ABCB7: variants seen among roughly 807,000 people sequenced by gnomAD.
ABCB7 encodes the protein iron-sulfur clusters transporter ABCB7, mitochondrial.
In ABCB7, 7 loss-of-function variants were observed where a neutral mutation model predicts 54.4. The ratio of observed to expected loss-of-function variants is 0.13; its 90% CI spans 0.07 to 0.24. The LOEUF (loss-of-function observed/expected upper bound fraction) is 0.24. Ranked by LOEUF, ABCB7 falls within the 10% of genes least tolerant of loss-of-function variation. The pLI is 1.00. For missense variants in ABCB7, 356 were observed against 570.4 expected (o/e 0.62, Z 3.83); for synonymous variants, 218 against 207.1 (o/e 1.05, Z -0.45).
intron 1 of ABCB7, among the ~76,000 whole-genome samples, chrX:75,129,363 G>A (rs1261282368): frequency 5.4e-5 from 6 of 110,392 alleles, no homozygotes; most frequent in Non-Finnish European, 7.6e-5. Flanking sequence ...ACCAAGCACC[G>A]CATGTTCTCA....
At chrX:75,147,672 G>C (rs914294972) in intron 1 of ABCB7, among the ~76,000 whole-genome samples, 4 of 111,583 alleles carry the variant, frequency 3.6e-5, no homozygotes, top group Non-Finnish European at 7.5e-5. Context: ...CCTATCAGAG[G>C]GTGGAAGGTG....
At position 75,156,245 on chromosome X, in the gene ABCB7, G is replaced by A; in HGVS notation, c.28C>T (p.Arg10Cys). 2 of 1,205,692 alleles carry A rather than the reference G, an allele frequency of 1.7e-6. No homozygotes were observed. Among genetic ancestry groups the A allele is most frequent in the South Asian group, 1.8e-5 (1 of 55,963 alleles). Reference sequence around the variant, plus strand: ...AAAGCAGCCGCCGCGGCCGCCCAGCGCCAAGAATGCATCGCGAGCAGCGCC... The same window carrying A: ...AAAGCAGCCGCCGCGGCCGCCCAGCACCAAGAATGCATCGCGAGCAGCGCC... The part of the protein sequence containing the change: MALLAMHSW[R>C]WAAAAAAFEK... Residue 10 changes from arginine to cysteine, a missense_variant, in exon 1 of 16, where the codon CGC becomes TGC. By Grantham distance (180) the Arg-to-Cys change is radical. Around this residue, in one of 2 missense-constraint regions of ABCB7, gnomAD observed 115 missense variants for 99.5 expected, o/e 1.16. Coordinates refer to ENST00000373394, the MANE Select transcript of ABCB7 (RefSeq NM_001271696.3).
At chrX:75,106,702 C>T (rs2081705426) in intron 3 of ABCB7, among the ~76,000 whole-genome samples, 1 of 111,522 alleles carries the variant, frequency 9.0e-6, no homozygotes. Context: ...ATATGTTTAC[C>T]ACAGCACAAT....
chrX:75,063,627 A>G (rs932201775), intron 13 of ABCB7, among the ~76,000 whole-genome samples: 2 of 111,075 alleles, frequency 1.8e-5, no homozygotes, highest in Non-Finnish European at 3.8e-5. Flanking sequence ...AAGTTCCTCA[A>G]AGAAGTAGAT....
At chrX:75,095,236 G>A (rs1387480609) in intron 4 of ABCB7, among the ~76,000 whole-genome samples, 1 of 111,530 alleles carries the variant, frequency 9.0e-6, no homozygotes, top group African/African-American at 3.3e-5. Flanking sequence ...ATGGCAGGGT[G>A]GCATTTAGAG....
In ABCB7 at chrX:75,102,868, T is replaced by C. The variant is rs150499942; in HGVS notation, c.334-3807A>G. Among the ~76,000 whole-genome samples, 398 of 111,906 alleles carry C rather than the reference T, an allele frequency of 3.6e-3. 2 individuals carry two copies. The highest frequency in any genetic ancestry group is 0.028 in the Middle Eastern group (6 of 215). On this transcript the variant is annotated intron_variant, in intron 3 of 15. Transcript: ENST00000373394. ...CCATTATAACTGAGGGAAGAGGATA[T>C]CTCATGTGGTCTTGATTTGCATTTC...
In ABCB7 at chrX:75,075,494, G is replaced by A. The variant is rs372617035; in HGVS notation, c.723C>T (p.His241=). 38 of 1,209,571 alleles carry A rather than the reference G, an allele frequency of 3.1e-5. No homozygotes were observed. Among genetic ancestry groups the A allele is most frequent in the Non-Finnish European group, 4.1e-5 (37 of 895,099 alleles). The change falls in exon 6 of 16, where the codon CAC becomes CAT. Residue 241 remains histidine, a synonymous_variant. Coordinates refer to ENST00000373394, the MANE Select transcript of ABCB7 (RefSeq NM_001271696.3). ...ATAAAGCTCCCGTCTGTCTGCTCAG[G>A]TGAAAACCCAGATCCAGGTTGTGAA... ...LHLHNLDLGF[H]LSRQTGALSK... is the part of the protein sequence containing the mutation.
chrX:75,156,171 A>G lies in ABCB7; in HGVS notation c.102T>C (p.Val34=), dbSNP rs151334745. 93 of 1,205,877 alleles carry G rather than the reference A, an allele frequency of 7.7e-5. No individual in the cohort carries two copies. The African/African-American group carries it at 1.3e-3, about 17-fold the overall frequency. ...SAILIRPLVS[V]SGSGPQWRPH... is the part of the protein sequence containing the mutation. ...GCCTCCACTGCGGACCTGAGCCGCT[A>G]ACAGAGACTAAAGGCCGGATCAGAA... Residue 34 remains valine (V), a synonymous_variant, in exon 1 of 16, where the codon GTT becomes GTC. Coordinates refer to ENST00000373394, the MANE Select transcript of ABCB7 (RefSeq NM_001271696.3).
In ABCB7 at chrX:75,126,603, A is replaced by T. The variant is rs774958829; in HGVS notation, c.169-11772T>A. On this transcript the variant is annotated intron_variant, in intron 1 of 15. Coordinates refer to ENST00000373394, the MANE Select transcript of ABCB7 (RefSeq NM_001271696.3). ...GACAGGAAAAATGCTTCAAAAAAAA[A>T]ATCAATGAATCCAGGAGCTGGATTT... Among the ~76,000 whole-genome samples, 34 of 111,321 alleles carry T rather than the reference A, an allele frequency of 3.1e-4. 1 individual carries two copies. The highest frequency in any genetic ancestry group is 6.2e-4 in the Non-Finnish European group (33 of 53,008).
rs757633312 is a variant in ABCB7 at position 75,076,525 on chromosome X, C to T, written c.583G>A (p.Gly195Ser). The T allele has an allele frequency of 1.7e-6, 2 of 1,209,144 alleles. No individual in the cohort carries two copies. The highest frequency in any genetic ancestry group is 2.2e-6 in the Non-Finnish European group (2 of 894,548). The part of the protein sequence containing the change: ...VATMATAVLI[G>S]YGVSRAGAAF... Reference sequence around the variant, plus strand: ...CAGATTAAAGAATCACACATACAGCCAATCAGAACTGCTGTTGCCATGGTT... The same window carrying T: ...CAGATTAAAGAATCACACATACAGCTAATCAGAACTGCTGTTGCCATGGTT... Residue 195 changes from glycine (G) to serine (S), a missense_variant, in exon 5 of 16, where the codon GGC (glycine) becomes AGC (serine). This residue lies in a region of ABCB7 where 241 missense variants were observed against 470.9 expected (regional missense o/e 0.51). Transcript: ENST00000373394.
At chrX:75,063,498 T>G (rs944673295) in intron 13 of ABCB7, among the ~76,000 whole-genome samples, 2 of 111,288 alleles carry the variant, frequency 1.8e-5, no homozygotes, top group African/African-American at 3.3e-5. Flanking sequence ...ATTTTTAATA[T>G]TAGTAAGTTT....
intron 4 of ABCB7, among the ~76,000 whole-genome samples, chrX:75,096,306 T>C (rs1285498026): frequency 8.9e-6 from 1 of 112,189 alleles, no homozygotes; most frequent in African/African-American, 3.2e-5. Flanking sequence ...GCACAGCATC[T>C]TGATTTAAGT....
At chrX:75,064,959 A>G (rs2081306620) in intron 13 of ABCB7, 111 bp downstream of exon 13, 6 of 892,334 alleles carry the variant, frequency 6.7e-6, no homozygotes, top group Non-Finnish European at 9.6e-6. Flanking sequence ...AATGTGACTC[A>G]ACGAGCACTA....
In ABCB7 at chrX:75,139,429, A is replaced by G. The variant is rs1333766255; in HGVS notation, c.168+16676T>C. On this transcript the variant is annotated intron_variant, in intron 1 of 15. Coordinates refer to ENST00000373394, the MANE Select transcript of ABCB7 (RefSeq NM_001271696.3). ...CTTCTTTCTCTAATCATCTCTCAAG[A>G]TGTCAGTCAAAATTTACCACCTTCC... Among the ~76,000 whole-genome samples, 3 of 111,712 alleles carry G rather than the reference A, an allele frequency of 2.7e-5. No homozygotes were observed. In the South Asian group the frequency reaches 1.1e-3, roughly 41 times the overall value.
At chrX:75,149,825 T>A (rs151237478) in intron 1 of ABCB7, among the ~76,000 whole-genome samples, 1 of 109,955 alleles carries the variant, frequency 9.1e-6, no homozygotes, top group Non-Finnish European at 1.9e-5. Flanking sequence ...ATTTGAAAAA[T>A]AGGCACCAGT....
intron 14 of ABCB7, among the ~76,000 whole-genome samples, chrX:75,061,550 C>T (rs2081282091): frequency 9.0e-6 from 1 of 111,446 alleles, no homozygotes; most frequent in Non-Finnish European, 1.9e-5. Context: ...AACTTAACTC[C>T]GTATGAAAAT....
chrX:75,102,738 T>C (rs1041865231), intron 3 of ABCB7, among the ~76,000 whole-genome samples: 2 of 111,703 alleles, frequency 1.8e-5, no homozygotes, highest in Non-Finnish European at 3.8e-5. Flanking sequence ...CATACTGTTT[T>C]TCATAGTGGC....
At chrX:75,080,011 C>T (rs1275958610) in intron 4 of ABCB7, among the ~76,000 whole-genome samples, 2 of 112,167 alleles carry the variant, frequency 1.8e-5, no homozygotes, top group African/African-American at 3.2e-5. Flanking sequence ...TTCAGCATAA[C>T]GTGCTCAAAG....
chrX:75,107,821 A>G (rs1427802480), intron 3 of ABCB7, among the ~76,000 whole-genome samples: 1 of 110,280 alleles, frequency 9.1e-6, no homozygotes, highest in Non-Finnish European at 1.9e-5. Flanking sequence ...AGCAGGGGGG[A>G]AAGTGAAGGG....
Sources: gnomAD v4.1 joint callset for allele counts (sites outside exome capture counted in the v4.1 genomes callset) on GRCh38, gnomAD v4.1.1 for gene constraint, gnomAD v4.1.1 regional missense constraint, MANE v1.5 for transcripts, NCBI Gene and HGNC (gene_info 2026-07-23, HGNC 2026-07-21) for gene names.